Variants in EVA1C observed in about 807,000 individuals in gnomAD.
The protein encoded by EVA1C is protein eva-1 homolog C.
A neutral mutation model predicts 45.4 loss-of-function variants in EVA1C; 25 were observed. That is an observed-to-expected ratio of 0.55 (90% CI 0.40 to 0.77). The LOEUF is 0.77. EVA1C is among the 30% of genes least tolerant of loss of function. The pLI, the probability that EVA1C is intolerant of heterozygous loss-of-function variation, is 0.00. For synonymous variants in EVA1C, 190 were observed against 221.2 expected, an observed-to-expected ratio of 0.86 and a Z score of 1.25; for missense variants, 479 against 554.8, an observed-to-expected ratio of 0.86 and a Z score of 1.37.
chr21:32,512,054 A>G (rs533118128), intron 7 of EVA1C, among the ~76,000 whole-genome samples: 2 of 152,324 alleles, frequency 1.3e-5, no homozygotes, highest in Admixed American at 6.5e-5. Context: ...CTTTAAATAA[A>G]ATTTTAGGAA....
intron 3 of EVA1C, among the ~76,000 whole-genome samples, chr21:32,466,285 G>A (rs2036169372): frequency 6.6e-6 from 1 of 152,086 alleles, no homozygotes; most frequent in Non-Finnish European, 1.5e-5. Flanking sequence ...CGGATGTGGT[G>A]GCGGGTGCCT....
chr21:32,489,641 C>G (rs1054534085), intron 4 of EVA1C, among the ~76,000 whole-genome samples: 1 of 152,058 alleles, frequency 6.6e-6, no homozygotes, highest in African/African-American at 2.4e-5. Context: ...TGGAAAATGT[C>G]GTTGGAATTT....
At chr21:32,456,219 G>C (rs529354667) in intron 2 of EVA1C, among the ~76,000 whole-genome samples, 1 of 152,120 alleles carries the variant, frequency 6.6e-6, no homozygotes, top group Non-Finnish European at 1.5e-5. Context: ...AGCTGCACTC[G>C]GAGCACAGGC....
chr21:32,423,296 C>T (rs1359002933), intron 1 of EVA1C, among the ~76,000 whole-genome samples: 1 of 152,094 alleles, frequency 6.6e-6, no homozygotes, highest in Non-Finnish European at 1.5e-5. Context: ...CCCTGAGATA[C>T]TCAAGGCTCC....
In EVA1C at chr21:32,412,975, T is replaced by G; in HGVS notation, c.122T>G (p.Val41Gly). Residue 41 changes from valine (V) to glycine (G), a missense_variant, in exon 1 of 8, where the codon GTC becomes GGC. Transcript: ENST00000300255. ...LLRLFYCTVL[V>G]CSKEISALTD... Reference sequence around the variant, plus strand: ...CGCCTCTTCTACTGCACTGTCCTGGTCTGCTCCAAAGAGATCTCAGCGCTC... The same window carrying G: ...CGCCTCTTCTACTGCACTGTCCTGGGCTGCTCCAAAGAGATCTCAGCGCTC... 1 of 1,522,758 alleles carries G rather than the reference T, an allele frequency of 6.6e-7. No individual in the cohort carries two copies. The allele number at this position is 1,522,758 out of a possible 1,614,324, so 94.3% of individuals were successfully genotyped here. A position where few individuals can be genotyped will look rare whatever the true frequency, so the allele number is the denominator to read the frequency against.
chr21:32,469,082 G>C (rs61596949), intron 4 of EVA1C, among the ~76,000 whole-genome samples: 5,848 of 152,304 alleles, frequency 0.038, 136 homozygotes, highest in African/African-American at 0.057. Context: ...ACACTGAGTA[G>C]TTATTGAGCA....
chr21:32,469,769 A>G (rs56043706), intron 4 of EVA1C, among the ~76,000 whole-genome samples: 60,926 of 151,920 alleles, frequency 0.4, 12,985 homozygotes, highest in East Asian at 0.52. Flanking sequence ...GCCTTGAGGA[A>G]GATTCCTTTT....
intron 2 of EVA1C, 144 bp from the exon 3 acceptor site, chr21:32,457,453 G>A (rs2035826997): frequency 1.5e-5 from 13 of 855,028 alleles, no homozygotes; most frequent in Admixed American, 6.1e-5. Flanking sequence ...AATCACCCAC[G>A]TCTATGCTCT....
At chr21:32,469,763 T>G (rs1245645946) in intron 4 of EVA1C, among the ~76,000 whole-genome samples, 1 of 152,182 alleles carries the variant, frequency 6.6e-6, no homozygotes, top group Non-Finnish European at 1.5e-5. Flanking sequence ...GTTGCAGCCT[T>G]GAGGAAGATT....
At chr21:32,427,467 C>G (rs1444607779) in intron 1 of EVA1C, among the ~76,000 whole-genome samples, 1 of 152,106 alleles carries the variant, frequency 6.6e-6, no homozygotes, top group Non-Finnish European at 1.5e-5. Flanking sequence ...GTAATCCCAG[C>G]ACTTTGGGAG....
chr21:32,507,525 T>A (rs2037767224), intron 7 of EVA1C, among the ~76,000 whole-genome samples: 1 of 143,590 alleles, frequency 7.0e-6, no homozygotes, highest in Admixed American at 6.9e-5. Flanking sequence ...CATGTGTCTC[T>A]GTGTGTGCAT....
chr21:32,425,688 T>C (rs1216528166), intron 1 of EVA1C, among the ~76,000 whole-genome samples: 3 of 152,210 alleles, frequency 2.0e-5, no homozygotes, highest in Admixed American at 6.5e-5. Context: ...CATTTTGCTT[T>C]TCCTGATATT....
intron 5 of EVA1C, among the ~76,000 whole-genome samples, chr21:32,500,874 C>T (rs115254033): frequency 0.07 from 10,659 of 151,854 alleles, 567 homozygotes; most frequent in African/African-American, 0.15. Context: ...TGCAGTGGTG[C>T]GCTCTTCGCT....
At chr21:32,506,974 G>A (rs1427537343) in intron 7 of EVA1C, among the ~76,000 whole-genome samples, 1 of 152,170 alleles carries the variant, frequency 6.6e-6, no homozygotes, top group Admixed American at 6.5e-5. Context: ...CCAAATAGGC[G>A]GCAAATGGAG....
rs1335690362 is a variant in EVA1C, at chr21:32,474,564, A to G, written c.634+6716A>G. 6.6e-6 allele frequency among the ~76,000 whole-genome samples: 1 copy of G among 152,148 alleles called. No individual in the cohort carries two copies. The highest frequency in any genetic ancestry group is 1.5e-5 in the Non-Finnish European group (1 of 68,028). Reference sequence around the variant, plus strand: ...TTGTTGGACTTTCTCCACAGCATGGAGATAGACCATGGTATGTGTGTGTGG... The same window carrying G: ...TTGTTGGACTTTCTCCACAGCATGGGGATAGACCATGGTATGTGTGTGTGG... On this transcript the variant is annotated intron_variant, in intron 4 of 7. Transcript: ENST00000300255. The surrounding 1 kb of genome is among the most constrained non-coding windows in gnomAD (Gnocchi z 4.4).
intron 1 of EVA1C, among the ~76,000 whole-genome samples, chr21:32,437,170 A>AAAACT (rs2034988696): frequency 6.6e-6 from 1 of 152,240 alleles, no homozygotes; most frequent in African/African-American, 2.4e-5. Flanking sequence ...AAAACAAAAC[A>AAAACT]AAACAAAACA....
chr21:32,502,014 TTCTTTCTTTCTTTC>T (rs1162114125), intron 6 of EVA1C, among the ~76,000 whole-genome samples: 1 of 139,712 alleles, frequency 7.2e-6, no homozygotes, highest in Admixed American at 7.3e-5. Context: ...CTTTCTTTCT[TTCTTTCTTTCTTTC>T]TTTCTTTCTT....
At chr21:32,497,266 G>C (rs779691790) in intron 5 of EVA1C, 3 of 761,360 alleles carry the variant, frequency 3.9e-6, no homozygotes, top group Non-Finnish European at 7.0e-6. Flanking sequence ...GTGAACACAT[G>C]ACATTAGATC....
intron 2 of EVA1C, among the ~76,000 whole-genome samples, chr21:32,454,439 A>G (rs1306387549): frequency 6.6e-6 from 1 of 152,122 alleles, no homozygotes; most frequent in East Asian, 1.9e-4. Flanking sequence ...TGGTTGGCAT[A>G]TTTAGGGAAA....
Sources: allele counts gnomAD v4.1 joint callset (sites outside exome capture counted in the v4.1 genomes callset), GRCh38; gene constraint gnomAD v4.1.1; non-coding constraint Gnocchi (gnomAD v3.1); transcripts MANE v1.5; gene names NCBI Gene and HGNC (gene_info 2026-07-23, HGNC 2026-07-21).